The following PLEKHA5 variants were observed in gnomAD, a reference collection of about 807,000 sequenced individuals.
The protein encoded by PLEKHA5 is pleckstrin homology domain containing A5.
PLEKHA5 carries 55 observed loss-of-function variants against 181.9 expected under a neutral mutation model. That is an observed-to-expected ratio of 0.30 (90% CI 0.24 to 0.38). The LOEUF (loss-of-function observed/expected upper bound fraction) is 0.38, where lower values mean the gene tolerates loss of function less well. Ranked by LOEUF, PLEKHA5 falls within the 10% of genes least tolerant of loss-of-function variation. The pLI is 1.00. For missense variants in PLEKHA5, 1,432 were observed against 1,549.5 expected (o/e 0.92, Z 1.27); for synonymous variants, 535 against 529.4 (o/e 1.01, Z -0.15).
At chr12:19,184,066 T>C (rs1282141067) in intron 3 of PLEKHA5, among the ~76,000 whole-genome samples, 2 of 152,222 alleles carry the variant, frequency 1.3e-5, no homozygotes, top group Admixed American at 6.5e-5. Context: ...CTGGTGCCTA[T>C]GGATGGACTG....
intron 3 of PLEKHA5, among the ~76,000 whole-genome samples, chr12:19,234,826 A>G (rs1410000334): frequency 6.6e-6 from 1 of 152,182 alleles, no homozygotes; most frequent in Admixed American, 6.5e-5. Context: ...ATAATAGAAG[A>G]TCAAATTGAT....
chr12:19,361,181 TTTTG>T (rs200236303), intron 28 of PLEKHA5, among the ~76,000 whole-genome samples: 27 of 152,142 alleles, frequency 1.8e-4, no homozygotes, highest in East Asian at 5.8e-4. Context: ...TTATTTATTT[TTTTG>T]TTTGTTTGTT....
chr12:19,288,965 A>G (rs1422877045), intron 13 of PLEKHA5, among the ~76,000 whole-genome samples: 1 of 152,186 alleles, frequency 6.6e-6, no homozygotes, highest in East Asian at 1.9e-4. Flanking sequence ...TTAGCTCCAT[A>G]AATAATAAAC....
intron 3 of PLEKHA5, among the ~76,000 whole-genome samples, chr12:19,163,344 T>G (rs1401852908): frequency 6.6e-6 from 1 of 152,024 alleles, no homozygotes; most frequent in Admixed American, 6.6e-5. Context: ...GCCTGGCTTA[T>G]TTTTTTGTAT....
intron 21 of PLEKHA5, 24 bp downstream of exon 21, chr12:19,336,640 T>C: frequency 7.5e-7 from 1 of 1,331,986 alleles, no homozygotes; most frequent in Non-Finnish European, 1.1e-6. Flanking sequence ...ATATTCTTTA[T>C]ATTGTTTTAA....
intron 3 of PLEKHA5, among the ~76,000 whole-genome samples, chr12:19,208,214 C>T (rs2056077106): frequency 6.6e-6 from 1 of 151,742 alleles, no homozygotes; most frequent in African/African-American, 2.4e-5. Flanking sequence ...TCGAGACCAG[C>T]CTGGCCAACA....
intron 15 of PLEKHA5, among the ~76,000 whole-genome samples, chr12:19,298,037 C>G (rs544383394): frequency 3.9e-5 from 6 of 152,072 alleles, no homozygotes; most frequent in African/African-American, 1.2e-4. Flanking sequence ...AACCCCATCT[C>G]TACTAAAAAT....
intron 26 of PLEKHA5, among the ~76,000 whole-genome samples, chr12:19,355,272 C>G (rs776842455): frequency 5.3e-5 from 8 of 151,326 alleles, no homozygotes; most frequent in Non-Finnish European, 5.9e-5. Flanking sequence ...TATCAATACT[C>G]TACCTATTTG....
chr12:19,238,630 T>G (rs571127132), intron 3 of PLEKHA5, among the ~76,000 whole-genome samples: 1 of 152,236 alleles, frequency 6.6e-6, no homozygotes, highest in East Asian at 1.9e-4. Flanking sequence ...TATTTTAAAC[T>G]TAATCGGTAA....
At chr12:19,318,870 G>A (rs946729850) in intron 16 of PLEKHA5, among the ~76,000 whole-genome samples, 2 of 152,114 alleles carry the variant, frequency 1.3e-5, no homozygotes, top group East Asian at 1.9e-4. Flanking sequence ...GCAATGAGCC[G>A]AGATCGCACC....
intron 20 of PLEKHA5, among the ~76,000 whole-genome samples, chr12:19,332,933 G>A (rs2092993142): frequency 6.6e-6 from 1 of 152,160 alleles, no homozygotes; most frequent in Non-Finnish European, 1.5e-5. Context: ...TGGGATTACA[G>A]GCATGAGCCA....
intron 15 of PLEKHA5, among the ~76,000 whole-genome samples, chr12:19,306,040 A>AT: frequency 6.6e-6 from 1 of 151,988 alleles, no homozygotes; most frequent in South Asian, 2.1e-4. Flanking sequence ...AGATCGCCCC[A>AT]TTGTACTCCA....
At chr12:19,134,024 T>G (rs2034847929) in intron 3 of PLEKHA5, among the ~76,000 whole-genome samples, 5 of 152,068 alleles carry the variant, frequency 3.3e-5, no homozygotes, top group Admixed American at 3.3e-4. Flanking sequence ...TAGCTCATCT[T>G]ATAAAAACAG....
chr12:19,308,336 A>G (rs1427995834), intron 15 of PLEKHA5, among the ~76,000 whole-genome samples: 3 of 152,124 alleles, frequency 2.0e-5, no homozygotes, highest in Non-Finnish European at 2.9e-5. Context: ...TCAACCCTAG[A>G]TGTATATAGC....
chr12:19,215,843 C>G (rs149311706), intron 3 of PLEKHA5, among the ~76,000 whole-genome samples: 11 of 152,204 alleles, frequency 7.2e-5, no homozygotes, highest in African/African-American at 2.4e-4. Flanking sequence ...GGTAATTTAA[C>G]AACAAGTCAG....
intron 3 of PLEKHA5, among the ~76,000 whole-genome samples, chr12:19,190,097 AACTCTT>A (rs778011277): frequency 2.0e-5 from 3 of 152,130 alleles, no homozygotes; most frequent in Non-Finnish European, 2.9e-5. Flanking sequence ...TTACTCTTTG[AACTCTT>A]ACTCTTAGTG....
chr12:19,318,353 A>G (rs2089689391), intron 16 of PLEKHA5, among the ~76,000 whole-genome samples: 1 of 152,090 alleles, frequency 6.6e-6, no homozygotes, highest in Non-Finnish European at 1.5e-5. Context: ...ATATCGCTCT[A>G]AAGTTGTAAC....
intron 3 of PLEKHA5, among the ~76,000 whole-genome samples, chr12:19,138,572 CA>C (rs61416754): frequency 0.13 from 11,320 of 85,666 alleles, 370 homozygotes; most frequent in South Asian, 0.17. Context: ...GACTCTGTCT[CA>C]AAAAAAAAAA....
chr12:19,322,730 C>T (rs1441007592), intron 20 of PLEKHA5, 63 bp downstream of exon 20: 23 of 1,150,526 alleles, frequency 2.0e-5, no homozygotes, highest in Non-Finnish European at 2.4e-5. Context: ...ATTTTCTTCT[C>T]TTTTTTTTAA....
Sources: gnomAD v4.1 joint callset for allele counts (sites outside exome capture counted in the v4.1 genomes callset) on GRCh38, gnomAD v4.1.1 for gene constraint, MANE v1.5 for transcripts, NCBI Gene and HGNC (gene_info 2026-07-23, HGNC 2026-07-21) for gene names.